C9orf57: variants seen among roughly 807,000 people sequenced by gnomAD.
C9orf57 encodes uncharacterized protein C9orf57.
A neutral mutation model predicts 12.9 loss-of-function variants in C9orf57; 12 were observed. The ratio of observed to expected loss-of-function variants is 0.93; its 90% CI spans 0.60 to 1.51. The LOEUF (loss-of-function observed/expected upper bound fraction) is 1.51. Ranked by LOEUF, C9orf57 falls within the 40% of genes most tolerant of loss-of-function variation. C9orf57 has a pLI of 0.00. For missense variants in C9orf57, 141 were observed against 162.8 expected, an observed-to-expected ratio of 0.87 and a Z score of 0.73; for synonymous variants, 49 against 57.1, an observed-to-expected ratio of 0.86 and a Z score of 0.64.
intron 4 of C9orf57, among the ~76,000 whole-genome samples, chr9:72,055,457 C>T (rs1294982230): frequency 3.6e-5 from 5 of 140,244 alleles, no homozygotes; most frequent in African/African-American, 8.0e-5. Context: ...CATGATCTCA[C>T]TCCATTGTTC....
chr9:72,055,796 G>A (rs1589300129), intron 4 of C9orf57, among the ~76,000 whole-genome samples: 1 of 152,110 alleles, frequency 6.6e-6, no homozygotes, highest in African/African-American at 2.4e-5. Context: ...AGATTATTAG[G>A]AATGTGTGCT....
At chr9:72,059,146 T>C (rs1824273054) in intron 2 of C9orf57, 89 bp downstream of exon 2, 1 of 1,501,066 alleles carries the variant, frequency 6.7e-7, no homozygotes, top group Admixed American at 2.1e-5. Flanking sequence ...CCCAAAGTGC[T>C]GGGATTACAG....
chr9:72,052,422 C>T lies in C9orf57; in HGVS notation c.294G>A (p.Trp98Ter). 1 of 1,551,862 alleles carries T rather than the reference C, an allele frequency of 6.4e-7. No homozygotes were observed. Among genetic ancestry groups the T allele is most frequent in the Non-Finnish European group, 8.7e-7 (1 of 1,146,946 alleles). ...TCTTTGTGCAGCCTTTGACTGAATA[C>T]CATTGAATGCCACCTGACGGAGAGA... ...EEVHIQGGIQWYSVKGCTKNT... is the reference protein window; with the variant it reads ...EEVHIQGGIQ The change falls in exon 5 of 5, where the codon TGG becomes TGA. Residue 98 changes from tryptophan to a stop codon, truncating the protein, a stop_gained. Coordinates refer to ENST00000651200, the MANE Select transcript of C9orf57 (RefSeq NM_001128618.2). LOFTEE classifies it low-confidence loss of function (END_TRUNC).
chr9:72,053,388 G>A (rs761857473), intron 4 of C9orf57, among the ~76,000 whole-genome samples: 5 of 152,264 alleles, frequency 3.3e-5, no homozygotes, highest in South Asian at 2.1e-4. Flanking sequence ...CTGCTCTTCC[G>A]AACACTGTAG....
At chr9:72,059,493 A>G in intron 1 of C9orf57, 109 bp from the exon 2 acceptor site, 1 of 1,293,142 alleles carries the variant, frequency 7.7e-7, no homozygotes, top group East Asian at 2.5e-5. Flanking sequence ...TTATTTTGTG[A>G]AGGAGGAAAA....
At chr9:72,059,795 T>G (rs1045576650) in intron 1 of C9orf57, among the ~76,000 whole-genome samples, 2 of 152,150 alleles carry the variant, frequency 1.3e-5, no homozygotes, top group Non-Finnish European at 2.9e-5. Context: ...CACTCTAGCC[T>G]GGGGGACAGA....
chr9:72,052,743 T>C (rs1026522000), intron 4 of C9orf57, among the ~76,000 whole-genome samples: 5 of 152,334 alleles, frequency 3.3e-5, no homozygotes, highest in Non-Finnish European at 7.3e-5. Context: ...CAAGCTGTTT[T>C]GAAGCTTCCT....
intron 2 of C9orf57, among the ~76,000 whole-genome samples, chr9:72,058,437 A>T (rs537198018): frequency 6.6e-6 from 1 of 152,294 alleles, no homozygotes; most frequent in Non-Finnish European, 1.5e-5. Flanking sequence ...CTAGGATTAC[A>T]GGCGTGAGCC....
At chr9:72,060,324 C>CTCCCAAA (rs1824307379) in intron 1 of C9orf57, among the ~76,000 whole-genome samples, 173 bp downstream of exon 1, 2 of 152,164 alleles carry the variant, frequency 1.3e-5, no homozygotes, top group Admixed American at 1.3e-4. Flanking sequence ...GGATTACAGG[C>CTCCCAAA]GTGAGCCACC....
chr9:72,053,193 T>C (rs1356401382), intron 4 of C9orf57, among the ~76,000 whole-genome samples: 1 of 152,056 alleles, frequency 6.6e-6, no homozygotes, highest in East Asian at 1.9e-4. Flanking sequence ...ATCTAGTGGG[T>C]AAAAGCTATG....
intron 4 of C9orf57, among the ~76,000 whole-genome samples, chr9:72,053,026 C>T (rs570517925): frequency 1.3e-4 from 20 of 152,326 alleles, no homozygotes; most frequent in African/African-American, 4.8e-4. Context: ...TCCCCAAAGA[C>T]AGCAAAATGT....
intron 1 of C9orf57, among the ~76,000 whole-genome samples, chr9:72,059,923 G>A (rs1228037507): frequency 1.3e-5 from 2 of 151,994 alleles, no homozygotes; most frequent in Non-Finnish European, 2.9e-5. Context: ...GAATTATAAT[G>A]GTTTCATACA....
intron 4 of C9orf57, among the ~76,000 whole-genome samples, chr9:72,054,093 G>T (rs1040298234): frequency 2.0e-5 from 3 of 152,208 alleles, no homozygotes; most frequent in Admixed American, 2.0e-4. Context: ...CCACCTCCCG[G>T]GTTCAAGCGA....
At chr9:72,058,388 T>A (rs1233432489) in intron 2 of C9orf57, among the ~76,000 whole-genome samples, 1 of 152,110 alleles carries the variant, frequency 6.6e-6, no homozygotes, top group Non-Finnish European at 1.5e-5. Flanking sequence ...CTTGAACTCC[T>A]GAGCTCAGGC....
chr9:72,053,242 C>CATTACAAAGA (rs972890901), intron 4 of C9orf57, among the ~76,000 whole-genome samples: 1 of 152,106 alleles, frequency 6.6e-6, no homozygotes, highest in African/African-American at 2.4e-5. Flanking sequence ...GACTGCCCTC[C>CATTACAAAGA]ATTACAAAGA....
At chr9:72,053,988 T>C (rs1356702672) in intron 4 of C9orf57, among the ~76,000 whole-genome samples, 1 of 152,084 alleles carries the variant, frequency 6.6e-6, no homozygotes, top group Non-Finnish European at 1.5e-5. Context: ...TAGATGAACG[T>C]TTAGGTCATT....
chr9:72,057,338 G>C (rs1286417626), intron 2 of C9orf57, among the ~76,000 whole-genome samples: 1 of 152,010 alleles, frequency 6.6e-6, no homozygotes, highest in Non-Finnish European at 1.5e-5. Context: ...CGATTCTCCT[G>C]CCTCAACCTC....
At chr9:72,058,270 C>T (rs552123082) in intron 2 of C9orf57, among the ~76,000 whole-genome samples, 1 of 152,284 alleles carries the variant, frequency 6.6e-6, no homozygotes, top group South Asian at 2.1e-4. Context: ...AAGCAATTCT[C>T]CAGCCTCAGC....
intron 4 of C9orf57, among the ~76,000 whole-genome samples, chr9:72,053,713 C>T (rs892047642): frequency 2.0e-5 from 3 of 152,170 alleles, no homozygotes; most frequent in African/African-American, 7.2e-5. Flanking sequence ...CGACGTGACC[C>T]CATGATTCTC....
Sources: allele counts gnomAD v4.1 joint callset (sites outside exome capture counted in the v4.1 genomes callset), GRCh38; gene constraint gnomAD v4.1.1; transcripts MANE v1.5; gene names NCBI Gene and HGNC (gene_info 2026-07-23, HGNC 2026-07-21).